The following SAMD4A variants were observed in gnomAD, a reference collection of about 807,000 sequenced individuals.
The protein encoded by SAMD4A is sterile alpha motif domain containing 4A.
Under a neutral mutation model 81.3 loss-of-function variants are expected in SAMD4A, and 33 were observed. The observed-to-expected ratio is 0.41, with a 90% confidence interval of 0.31 to 0.54. SAMD4A has a LOEUF of 0.54. Among genes scored for constraint, SAMD4A ranks in the 20% least tolerant of loss-of-function variants. The pLI is 0.37. For missense variants in SAMD4A, 854 were observed against 951.1 expected (o/e 0.90, Z 1.34); for synonymous variants, 389 against 382.1 (o/e 1.02, Z -0.21).
At chr14:54,569,154 G>A (rs2033053249) in intron 2 of SAMD4A, among the ~76,000 whole-genome samples, 1 of 152,120 alleles carries the variant, frequency 6.6e-6, no homozygotes, top group East Asian at 1.9e-4. Context: ...TCTTCCAGCT[G>A]TTCCATGTTG....
intron 4 of SAMD4A, among the ~76,000 whole-genome samples, chr14:54,744,917 C>G (rs114687296): frequency 5.5e-4 from 84 of 152,266 alleles, no homozygotes; most frequent in African/African-American, 1.9e-3. Context: ...GGAGTTTACC[C>G]TCTCTCTCTT....
intron 2 of SAMD4A, among the ~76,000 whole-genome samples, chr14:54,673,511 T>G (rs187742913): frequency 6.6e-6 from 1 of 152,266 alleles, no homozygotes; most frequent in Non-Finnish European, 1.5e-5. Flanking sequence ...GGCTGCCTGC[T>G]GCTTTTAGCA....
At chr14:54,781,865 C>T (rs140484687) in intron 11 of SAMD4A, among the ~76,000 whole-genome samples, 165 of 152,338 alleles carry the variant, frequency 1.1e-3, no homozygotes, top group Non-Finnish European at 2.0e-3. Flanking sequence ...CTGTCTTATA[C>T]GTGCGGCGAG....
intron 2 of SAMD4A, among the ~76,000 whole-genome samples, chr14:54,656,999 G>A (rs1050343188): frequency 2.6e-4 from 39 of 151,782 alleles, no homozygotes; most frequent in African/African-American, 7.0e-4. Flanking sequence ...CCACCCCGCC[G>A]GAGAAACTAA....
intron 2 of SAMD4A, among the ~76,000 whole-genome samples, chr14:54,611,381 A>C (rs1468957581): frequency 1.3e-5 from 2 of 152,220 alleles, no homozygotes; most frequent in Non-Finnish European, 2.9e-5. Flanking sequence ...CCGAGTGGGC[A>C]GAAATTCCTT....
chr14:54,572,025 C>T (rs1212338500), intron 2 of SAMD4A, among the ~76,000 whole-genome samples: 1 of 152,166 alleles, frequency 6.6e-6, no homozygotes, highest in Non-Finnish European at 1.5e-5. Flanking sequence ...TGGATAAGAT[C>T]TTGTTTGTAG....
intron 2 of SAMD4A, among the ~76,000 whole-genome samples, chr14:54,577,065 AT>A: frequency 6.6e-6 from 1 of 152,322 alleles, no homozygotes; most frequent in East Asian, 1.9e-4. Context: ...ACAAGCCTGC[AT>A]TATCAAGCTG....
At chr14:54,655,018 T>G (rs1029721128) in intron 2 of SAMD4A, among the ~76,000 whole-genome samples, 2 of 152,222 alleles carry the variant, frequency 1.3e-5, no homozygotes, top group East Asian at 3.8e-4. Context: ...GGGACACCGC[T>G]CTTCCTTGGC....
intron 2 of SAMD4A, among the ~76,000 whole-genome samples, chr14:54,684,976 C>A (rs1286387462): frequency 6.6e-6 from 1 of 152,220 alleles, no homozygotes; most frequent in Non-Finnish European, 1.5e-5. Flanking sequence ...GGCCAGGAAG[C>A]TGCAGGGGCC....
At chr14:54,718,802 G>C (rs1038393219) in intron 3 of SAMD4A, among the ~76,000 whole-genome samples, 1 of 151,996 alleles carries the variant, frequency 6.6e-6, no homozygotes, top group Non-Finnish European at 1.5e-5. Flanking sequence ...TCAGGGGTTT[G>C]AGACCAGCCT....
intron 2 of SAMD4A, among the ~76,000 whole-genome samples, chr14:54,580,513 C>T (rs1323944285): frequency 6.6e-6 from 1 of 152,162 alleles, no homozygotes; most frequent in Non-Finnish European, 1.5e-5. Context: ...TCTGGAGTTG[C>T]CCTAAACCCT....
upstream of SAMD4A, among the ~76,000 whole-genome samples, chr14:54,566,761 A>G (rs982291415): frequency 2.6e-5 from 4 of 151,728 alleles, no homozygotes; most frequent in Non-Finnish European, 5.9e-5. Context: ...GCGCACACAC[A>G]CACGCACACG....
In SAMD4A at chr14:54,714,148, G is replaced by A. The variant is rs2037059843; in HGVS notation, c.715+11568G>A. On this transcript the variant is annotated intron_variant, in intron 3 of 12. Transcript: ENST00000554335. ...TGATAGCCTTTTCTCTAAGAAGAGG[G>A]TACCTGACAGGTTGCTCTATGTCTT... Among the ~76,000 whole-genome samples the A allele has an allele frequency of 2.6e-5, 4 of 152,102 alleles. No individual in the cohort carries two copies. The South Asian group carries it at 6.2e-4, about 24-fold the overall frequency.
intron 3 of SAMD4A, among the ~76,000 whole-genome samples, chr14:54,722,999 C>T (rs1211432283): frequency 6.6e-6 from 1 of 152,026 alleles, no homozygotes; most frequent in African/African-American, 2.4e-5. Flanking sequence ...CTATACCAAC[C>T]CCATCTGGTA....
At chr14:54,565,798 C>A (rs2140085693), upstream of SAMD4A, among the ~76,000 whole-genome samples, 1 of 152,196 alleles carries the variant, frequency 6.6e-6, no homozygotes, top group South Asian at 2.1e-4. This position sits in a 1 kb window ranked among gnomAD's most constrained non-coding sequence, Gnocchi z 5.4. Flanking sequence ...ACGCAGGCGG[C>A]CGCAGGAAGA....
intron 2 of SAMD4A, among the ~76,000 whole-genome samples, chr14:54,593,949 G>A (rs1400586337): frequency 6.6e-6 from 1 of 152,088 alleles, no homozygotes; most frequent in Non-Finnish European, 1.5e-5. Context: ...TCCTAGTTCT[G>A]ATGGGATTTC....
intron 2 of SAMD4A, among the ~76,000 whole-genome samples, chr14:54,587,059 G>T (rs2033642097): frequency 6.6e-6 from 1 of 152,166 alleles, no homozygotes; most frequent in Non-Finnish European, 1.5e-5. Context: ...CTATCCATGA[G>T]AATGGGATGT....
chr14:54,672,262 C>T (rs1002373865), intron 2 of SAMD4A, among the ~76,000 whole-genome samples: 20 of 151,448 alleles, frequency 1.3e-4, no homozygotes, highest in African/African-American at 4.1e-4. Context: ...TAAATTTTTT[C>T]GAGCCTTGGG....
intron 2 of SAMD4A, among the ~76,000 whole-genome samples, chr14:54,582,856 G>C (rs902167475): frequency 6.6e-6 from 1 of 152,168 alleles, no homozygotes; most frequent in African/African-American, 2.4e-5. Flanking sequence ...TTATATATAA[G>C]GTGACAAAAA....
Sources: gnomAD v4.1 joint callset for allele counts (sites outside exome capture counted in the v4.1 genomes callset) on GRCh38, gnomAD v4.1.1 for gene constraint, Gnocchi (gnomAD v3.1) non-coding constraint, MANE v1.5 for transcripts, NCBI Gene and HGNC (gene_info 2026-07-23, HGNC 2026-07-21) for gene names.